BMPER: variants seen among roughly 807,000 people sequenced by gnomAD.
BMPER encodes BMP binding endothelial regulator.
A neutral mutation model predicts 87.3 loss-of-function variants in BMPER; 45 were observed. The observed-to-expected ratio is 0.52, with a 90% confidence interval of 0.41 to 0.66. The LOEUF (loss-of-function observed/expected upper bound fraction) is 0.66. BMPER is among the 30% of genes least tolerant of loss of function. The pLI is 0.00. For synonymous variants in BMPER, 326 were observed against 316.2 expected (o/e 1.03, Z -0.33); for missense variants, 784 against 867.5 (o/e 0.90, Z 1.21).
intron 9 of BMPER, among the ~76,000 whole-genome samples, chr7:34,056,686 T>G (rs1408372053): frequency 1.3e-5 from 2 of 151,650 alleles, no homozygotes; most frequent in Non-Finnish European, 2.9e-5. Context: ...GGTGTGATCT[T>G]GGATCACTGC....
intron 6 of BMPER, among the ~76,000 whole-genome samples, chr7:33,993,447 G>A (rs1357695289): frequency 4.6e-5 from 7 of 151,942 alleles, no homozygotes; most frequent in East Asian, 1.9e-4. Context: ...CGTAGTTCTC[G>A]AGCCTTGGTT....
chr7:34,082,869 T>A (rs1459957542), intron 12 of BMPER, among the ~76,000 whole-genome samples: 2 of 151,332 alleles, frequency 1.3e-5, no homozygotes, highest in Admixed American at 6.6e-5. Flanking sequence ...GATTTGTAGT[T>A]TGGAAAATTT....
At chr7:33,925,583 T>C (rs1784339269) in intron 2 of BMPER, among the ~76,000 whole-genome samples, 1 of 152,218 alleles carries the variant, frequency 6.6e-6, no homozygotes, top group South Asian at 2.1e-4. Context: ...ATCCAGTATG[T>C]TATGTTTTAT....
chr7:33,933,341 C>G (rs1784524899), intron 2 of BMPER, among the ~76,000 whole-genome samples: 1 of 151,808 alleles, frequency 6.6e-6, no homozygotes, highest in Non-Finnish European at 1.5e-5. Context: ...ACGCCTTTGA[C>G]AGCAGGTAGA....
At chr7:34,119,398 A>G (rs1248961716) in intron 13 of BMPER, among the ~76,000 whole-genome samples, 4 of 152,204 alleles carry the variant, frequency 2.6e-5, no homozygotes, top group Admixed American at 1.3e-4. Flanking sequence ...TTCTCCCTAT[A>G]GCACATCATT....
At chr7:34,149,968 G>T (rs1225592877) in intron 14 of BMPER, among the ~76,000 whole-genome samples, 1 of 152,170 alleles carries the variant, frequency 6.6e-6, no homozygotes, top group Non-Finnish European at 1.5e-5. Context: ...AGTAGATAGG[G>T]AGAAGATTAA....
chr7:34,016,573 T>C (rs908117329), intron 6 of BMPER, among the ~76,000 whole-genome samples: 2 of 151,998 alleles, frequency 1.3e-5, no homozygotes, highest in Non-Finnish European at 1.5e-5. Context: ...CTGCAACTTC[T>C]TTTTGTTCCT....
intron 13 of BMPER, among the ~76,000 whole-genome samples, chr7:34,100,243 G>T (rs1053452960): frequency 2.0e-5 from 3 of 152,160 alleles, no homozygotes; most frequent in African/African-American, 7.2e-5. Context: ...TCTATGCTAT[G>T]ATATGTATGC....
intron 13 of BMPER, among the ~76,000 whole-genome samples, chr7:34,089,665 G>A (rs61579014): frequency 0.037 from 5,687 of 151,976 alleles, 356 homozygotes; most frequent in African/African-American, 0.13. Context: ...TGTATTTTTA[G>A]TAGAGATGGG....
intron 11 of BMPER, among the ~76,000 whole-genome samples, chr7:34,071,091 C>T (rs1788725738): frequency 6.6e-6 from 1 of 152,054 alleles, no homozygotes; most frequent in Admixed American, 6.6e-5. Context: ...CTTCTTTTGG[C>T]CTAGAAGGCT....
chr7:33,913,281 A>T (rs1216096772), intron 2 of BMPER, among the ~76,000 whole-genome samples: 1 of 152,176 alleles, frequency 6.6e-6, no homozygotes, highest in Non-Finnish European at 1.5e-5. Context: ...GGAGTTAGAA[A>T]TCTCCATGGG....
rs1178494407 is a variant in BMPER at position 34,155,798 on chromosome 7, A to G, written c.*2525A>G. On this transcript the variant is annotated 3_prime_UTR_variant, in exon 15 of 15. Coordinates refer to ENST00000649409, the MANE Select transcript of BMPER (RefSeq NM_001365308.1). ...AGCAGTCCTGTTTCATTCACATGGG[A>G]TGTTTTCAATTGGTTCTTCAACTAA... The G allele has an allele frequency of 6.6e-6, 1 of 152,184 alleles. No homozygotes were observed. The highest frequency in any genetic ancestry group is 2.4e-5 in the African/African-American group (1 of 41,456). 9.4% of individuals were successfully genotyped at this position (152,184 alleles called of 1,614,324 possible).
intron 9 of BMPER, 42 bp from the exon 10 acceptor site, chr7:34,058,017 C>A: frequency 6.3e-7 from 1 of 1,581,870 alleles, no homozygotes; most frequent in South Asian, 1.1e-5. Flanking sequence ...CAACTCCTGT[C>A]AGCCTCCAGC....
chr7:33,951,471 T>G (rs778157346), intron 3 of BMPER, among the ~76,000 whole-genome samples: 1 of 152,190 alleles, frequency 6.6e-6, no homozygotes, highest in Non-Finnish European at 1.5e-5. Context: ...CTTTGACCCA[T>G]TTTTTACATT....
intron 3 of BMPER, among the ~76,000 whole-genome samples, chr7:33,958,511 T>C (rs1326645849): frequency 6.6e-6 from 1 of 152,216 alleles, no homozygotes; most frequent in African/African-American, 2.4e-5. Flanking sequence ...ATACTGGCTT[T>C]GTACCACCGC....
chr7:34,055,427 G>A, intron 9 of BMPER, 124 bp downstream of exon 9: 1 of 1,172,030 alleles, frequency 8.5e-7, no homozygotes, highest in Non-Finnish European at 1.3e-6. Context: ...GTATATGTGT[G>A]CATATATTAA....
intron 5 of BMPER, among the ~76,000 whole-genome samples, chr7:33,974,413 A>G (rs1452780011): frequency 6.6e-6 from 1 of 152,058 alleles, no homozygotes; most frequent in Non-Finnish European, 1.5e-5. Context: ...CATGATCACC[A>G]TGCAGCTCCC....
At chr7:34,120,872 A>G (rs1175501606) in intron 13 of BMPER, among the ~76,000 whole-genome samples, 1 of 152,218 alleles carries the variant, frequency 6.6e-6, no homozygotes, top group Non-Finnish European at 1.5e-5. Flanking sequence ...ATCAAGTTCA[A>G]GAGCGATATA....
At chr7:33,990,794 A>G (rs1456873568) in intron 6 of BMPER, among the ~76,000 whole-genome samples, 1 of 118,794 alleles carries the variant, frequency 8.4e-6, no homozygotes, top group Non-Finnish European at 1.7e-5. Flanking sequence ...TGTCCCATCA[A>G]TACCTAATTT....
Sources: allele counts gnomAD v4.1 joint callset (sites outside exome capture counted in the v4.1 genomes callset), GRCh38; gene constraint gnomAD v4.1.1; transcripts MANE v1.5; gene names NCBI Gene and HGNC (gene_info 2026-07-23, HGNC 2026-07-21).